Variants in HECTD2 observed in about 807,000 individuals in gnomAD.
The protein encoded by HECTD2 is HECT domain E3 ubiquitin protein ligase 2, also known as probable E3 ubiquitin-protein ligase HECTD2.
In HECTD2, 35 loss-of-function variants were observed where a neutral mutation model predicts 103.2. The ratio of observed to expected loss-of-function variants is 0.34; its 90% CI spans 0.26 to 0.45. HECTD2 has a LOEUF of 0.45. Ranked by LOEUF, HECTD2 falls within the 20% of genes least tolerant of loss-of-function variation. The pLI is 1.00. For synonymous variants in HECTD2, 281 were observed against 329.9 expected, an observed-to-expected ratio of 0.85 and a Z score of 1.61; for missense variants, 596 against 937.4, an observed-to-expected ratio of 0.64 and a Z score of 4.76.
At chr10:91,496,648 T>C (rs903853532) in intron 15 of HECTD2, among the ~76,000 whole-genome samples, 1 of 152,160 alleles carries the variant, frequency 6.6e-6, no homozygotes, top group African/African-American at 2.4e-5. Context: ...TATTTAACCC[T>C]TCAATTTAGT....
chr10:91,507,923 G>A (rs1847258909), intron 20 of HECTD2, among the ~76,000 whole-genome samples: 1 of 137,482 alleles, frequency 7.3e-6, no homozygotes, highest in Admixed American at 6.8e-5. Context: ...CCAAAACAGA[G>A]ATATAGATCA....
Position 91,461,272 on chromosome 10 carries a change from T to A in HECTD2, c.426T>A (p.Val142=), listed in dbSNP as rs752435739. 6.6e-7 allele frequency: 1 copy of A among 1,520,886 alleles called. No individual in the cohort carries two copies. The highest frequency in any genetic ancestry group is 2.1e-5 in the Admixed American group (1 of 47,896). 94.2% of individuals were successfully genotyped at this position (1,520,886 alleles called of 1,614,324 possible). A position where few individuals can be genotyped will look rare whatever the true frequency, so the allele number is the denominator to read the frequency against. ...ATTTTAGGGAAGATGTAGAAAAAGTTAAGTCATCAGGAGATTGGAAAGCAG... is the reference window on the plus strand; with the variant it reads ...ATTTTAGGGAAGATGTAGAAAAAGTAAAGTCATCAGGAGATTGGAAAGCAG... ...VKDFQEDVEK[V]KSSGDWKAVH... Residue 142 remains valine, a synonymous_variant, in exon 4 of 21, where the codon GTT becomes GTA. Coordinates refer to ENST00000298068, the MANE Select transcript of HECTD2 (RefSeq NM_182765.6).
intron 5 of HECTD2, among the ~76,000 whole-genome samples, chr10:91,475,124 C>T (rs116438573): frequency 2.0e-5 from 3 of 152,060 alleles, no homozygotes; most frequent in Non-Finnish European, 4.4e-5. Flanking sequence ...TGAGTGTTTT[C>T]GGCAGGGATC....
chr10:91,452,642 C>T (rs1223470549), intron 2 of HECTD2, among the ~76,000 whole-genome samples: 1 of 151,974 alleles, frequency 6.6e-6, no homozygotes, highest in Non-Finnish European at 1.5e-5. Context: ...ACTCAGCCCC[C>T]TCACCATGTG....
chr10:91,412,195 G>C (rs1459857646), intron 1 of HECTD2, among the ~76,000 whole-genome samples: 1 of 152,142 alleles, frequency 6.6e-6, no homozygotes, highest in African/African-American at 2.4e-5. Context: ...ATGAAATTAT[G>C]TGTTCATGCT....
At chr10:91,482,852 A>G (rs1846143047) in intron 7 of HECTD2, 115 bp from the exon 8 acceptor site, 1 of 491,976 alleles carries the variant, frequency 2.0e-6, no homozygotes, top group Non-Finnish European at 3.6e-6. Flanking sequence ...GGTTATTGTT[A>G]TTTTATAATC....
intron 14 of HECTD2, among the ~76,000 whole-genome samples, chr10:91,495,650 A>C (rs1217694260): frequency 2.6e-5 from 4 of 152,072 alleles, no homozygotes; most frequent in Non-Finnish European, 5.9e-5. Context: ...TTTAACTTTG[A>C]CACTGAAACT....
intron 2 of HECTD2, among the ~76,000 whole-genome samples, chr10:91,439,448 G>C (rs1281938402): frequency 6.6e-6 from 1 of 152,056 alleles, no homozygotes; most frequent in African/African-American, 2.4e-5. Context: ...ATATATATCT[G>C]TTTTGGTACC....
intron 2 of HECTD2, among the ~76,000 whole-genome samples, chr10:91,430,364 G>A (rs1843793862): frequency 6.6e-6 from 1 of 152,284 alleles, no homozygotes; most frequent in East Asian, 1.9e-4. Flanking sequence ...TGTTGATTTG[G>A]GGTGGAGTGT....
intron 20 of HECTD2, among the ~76,000 whole-genome samples, chr10:91,505,895 T>A (rs1354573824): frequency 2.0e-5 from 3 of 152,120 alleles, no homozygotes; most frequent in Non-Finnish European, 2.9e-5. Flanking sequence ...TCAGCAAATG[T>A]AAAAGAACAG....
intron 6 of HECTD2, among the ~76,000 whole-genome samples, 174 bp from the exon 7 acceptor site, chr10:91,480,920 C>T (rs576058695): frequency 4.2e-4 from 64 of 152,082 alleles, no homozygotes; most frequent in African/African-American, 1.5e-3. Context: ...AGGAGAGGCA[C>T]AGAAGCACTT....
rs1276597949 is a variant in HECTD2, at chr10:91,499,073, C to T, written c.1873C>T (p.Leu625=). The T allele has an allele frequency of 6.2e-7, 1 of 1,612,658 alleles. No homozygotes were observed. The highest frequency in any genetic ancestry group is 1.1e-5 in the South Asian group (1 of 90,978). The change falls in exon 18 of 21, where the codon CTG becomes TTG. Residue 625 remains leucine (L), a synonymous_variant. Coordinates refer to ENST00000298068, the MANE Select transcript of HECTD2 (RefSeq NM_182765.6). The part of the protein sequence containing the change: ...EYVQLYTDFL[L]NKSIYKQFAA... ...TGTACAGCTTTATACTGACTTCCTT[C>T]TGAACAAATCCATCTATAAGCAGTT...
At chr10:91,509,833 TATTACCTGGGTG>T (rs1847351717) in intron 20 of HECTD2, among the ~76,000 whole-genome samples, 1 of 152,156 alleles carries the variant, frequency 6.6e-6, no homozygotes, top group African/African-American at 2.4e-5. Flanking sequence ...GGTACTTACT[TATTACCTGGGTG>T]ATGAGATAAT....
At chr10:91,434,517 T>C (rs1844030577) in intron 2 of HECTD2, among the ~76,000 whole-genome samples, 1 of 152,042 alleles carries the variant, frequency 6.6e-6, no homozygotes, top group South Asian at 2.1e-4. Flanking sequence ...ATGAGGAAAT[T>C]GGGCATCTTG....
chr10:91,484,809 A>C (rs1846210031), intron 9 of HECTD2, among the ~76,000 whole-genome samples, 154 bp downstream of exon 9: 1 of 151,990 alleles, frequency 6.6e-6, no homozygotes, highest in Non-Finnish European at 1.5e-5. Flanking sequence ...TTGATAATAG[A>C]TTTCATAATT....
At chr10:91,461,680 C>T (rs180965332) in intron 4 of HECTD2, among the ~76,000 whole-genome samples, 1 of 152,162 alleles carries the variant, frequency 6.6e-6, no homozygotes, top group Admixed American at 6.5e-5. Flanking sequence ...TCCTGAGTAG[C>T]TGGGATTACA....
rs1451048369 is a variant in HECTD2 at position 91,514,499 on chromosome 10, A to G, written c.*2115A>G. 6.6e-6 allele frequency: 1 copy of G among 152,638 alleles called. No individual in the cohort carries two copies. Among genetic ancestry groups the G allele is most frequent in the Non-Finnish European group, 1.5e-5 (1 of 68,026 alleles). The allele number at this position is 152,638 out of a possible 1,614,324, so 9.5% of individuals were successfully genotyped here. A position where few individuals can be genotyped will look rare whatever the true frequency, so the allele number is the denominator to read the frequency against. On this transcript the variant is annotated 3_prime_UTR_variant, in exon 21 of 21. Transcript: ENST00000298068. ...TTACATTTTATTAATTTAAAAAGCT[A>G]GAAAATTCATGTAGTTACTTTTTTT... is the stretch of plus-strand genomic sequence containing the variant.
At chr10:91,507,296 A>C (rs1289438612) in intron 20 of HECTD2, among the ~76,000 whole-genome samples, 11 of 151,444 alleles carry the variant, frequency 7.3e-5, no homozygotes, top group Non-Finnish European at 1.0e-4. Context: ...AGGAGAAGGA[A>C]ATAAAGGGTA....
intron 3 of HECTD2, 39 bp from the exon 4 acceptor site, chr10:91,461,214 AT>A: frequency 1.1e-6 from 1 of 880,026 alleles, no homozygotes; most frequent in Non-Finnish European, 1.8e-6. Context: ...TCTGAATAAT[AT>A]TTCTATATGT....
Sources: allele counts gnomAD v4.1 joint callset (sites outside exome capture counted in the v4.1 genomes callset), GRCh38; gene constraint gnomAD v4.1.1; transcripts MANE v1.5; gene names NCBI Gene and HGNC (gene_info 2026-07-23, HGNC 2026-07-21).